The following OXNAD1 variants were observed in gnomAD, a reference collection of about 807,000 sequenced individuals.
The protein encoded by OXNAD1 is oxidoreductase NAD-binding domain-containing protein 1.
In OXNAD1, 34 loss-of-function variants were observed where a neutral mutation model predicts 32.9. The ratio of observed to expected loss-of-function variants is 1.03; its 90% CI spans 0.79 to 1.38. The LOEUF (loss-of-function observed/expected upper bound fraction) is 1.38. Among genes scored for constraint, OXNAD1 ranks in the 40% most tolerant of loss-of-function variants. The pLI is 0.00. For synonymous variants in OXNAD1, 134 were observed against 135.2 expected (o/e 0.99, Z 0.06); for missense variants, 407 against 379.4 (o/e 1.07, Z -0.60).
At chr3:16,315,267 C>T (rs1018448360) in intron 9 of OXNAD1, among the ~76,000 whole-genome samples, 6 of 152,182 alleles carry the variant, frequency 3.9e-5, no homozygotes, top group Admixed American at 1.3e-4. Context: ...AAGCACCCGC[C>T]ACCACGCCCA....
downstream of OXNAD1, among the ~76,000 whole-genome samples, chr3:16,307,282 C>T (rs1162355311): frequency 1.3e-5 from 2 of 152,130 alleles, no homozygotes; most frequent in African/African-American, 2.4e-5. Flanking sequence ...TTAGGTCGCC[C>T]CTGCTGTGTC....
At chr3:16,315,270 C>A (rs1398846380) in intron 9 of OXNAD1, among the ~76,000 whole-genome samples, 1 of 152,144 alleles carries the variant, frequency 6.6e-6, no homozygotes, top group Non-Finnish European at 1.5e-5. Flanking sequence ...CACCCGCCAC[C>A]ACGCCCAGCT....
At position 16,336,313 on chromosome 3, in the gene OXNAD1, T is replaced by C. The variant is rs2070843253; in HGVS notation, c.*31-799T>C. ...GGGAAGCCTCTTCTGCCCCAGGAGA[T>C]CCCAGTCTAGGGGTGGGGAGAACAA... On this transcript the variant is annotated intron_variant, in intron 9 of 9. Coordinates refer to the OXNAD1 transcript ENST00000435829. This position sits in a 1 kb window ranked among gnomAD's most constrained non-coding sequence, Gnocchi z 6.0. 6.6e-6 allele frequency among the ~76,000 whole-genome samples: 1 copy of C among 152,034 alleles called. No individual in the cohort carries two copies. Among genetic ancestry groups the C allele is most frequent in the African/African-American group, 2.4e-5 (1 of 41,390 alleles).
downstream of OXNAD1, among the ~76,000 whole-genome samples, chr3:16,339,048 T>C (rs1325747069): frequency 1.3e-5 from 2 of 152,220 alleles, no homozygotes; most frequent in Non-Finnish European, 2.9e-5. Context: ...TTCACTGTCC[T>C]AGCTAACAAC....
chr3:16,326,463 G>A (rs899304734), intron 9 of OXNAD1, among the ~76,000 whole-genome samples: 1 of 152,216 alleles, frequency 6.6e-6, no homozygotes, highest in Non-Finnish European at 1.5e-5. Context: ...AAGGCACATA[G>A]TAGGTGCTGA....
rs530099946 is a variant in OXNAD1, at chr3:16,344,294, C to G, written c.*31-4882C>G. ...GTTTAAGAAGTCAGGGAAACCTACT[C>G]AAAAAAGAAAGTGGATTAGATCAGT... On this transcript the variant is annotated intron_variant, in intron 9 of 9. Transcript: ENST00000606098. The surrounding 1 kb of genome is among the most constrained non-coding windows in gnomAD (Gnocchi z 4.4). 1.2e-3 allele frequency among the ~76,000 whole-genome samples: 187 copies of G among 149,656 alleles called. 1 individual carries two copies. Among genetic ancestry groups the G allele is most frequent in the African/African-American group, 4.3e-3 (176 of 40,778 alleles).
downstream of OXNAD1, among the ~76,000 whole-genome samples, chr3:16,306,686 A>G (rs1438584228): frequency 6.6e-6 from 1 of 152,178 alleles, no homozygotes; most frequent in African/African-American, 2.4e-5. Flanking sequence ...GGCCTATTGT[A>G]TCCTCAGGGT....
rs2125292531 is a variant in OXNAD1, at chr3:16,342,438, A to T, written c.*31-6738A>T. ...ACCATAGTTTATTCATCATTTGATG[A>T]ACATTTAAGTTGTTTCTACTTTTTG... On this transcript the variant is annotated intron_variant, in intron 9 of 9. Coordinates refer to the OXNAD1 transcript ENST00000606098. This position sits in a 1 kb window ranked among gnomAD's most constrained non-coding sequence, Gnocchi z 4.0. Among the ~76,000 whole-genome samples, 1 of 152,348 alleles carries T rather than the reference A, an allele frequency of 6.6e-6. No individual in the cohort carries two copies. Among genetic ancestry groups the T allele is most frequent in the East Asian group, 1.9e-4 (1 of 5,192 alleles).
In OXNAD1 at chr3:16,302,240, G is replaced by C. The variant is rs1260954946; in HGVS notation, c.675+372G>C. ...AGCTGGGTAAATGAAACCCCTGTCA[G>C]TTGCATCTGTTTAAACTAAGTGCAT... is the stretch of plus-strand genomic sequence containing the variant. On this transcript the variant is annotated intron_variant, in intron 7 of 8. Transcript: ENST00000285083. The surrounding 1 kb of genome is among the most constrained non-coding windows in gnomAD (Gnocchi z 4.2). Among the ~76,000 whole-genome samples, 1 of 152,190 alleles carries C rather than the reference G, an allele frequency of 6.6e-6. No individual in the cohort carries two copies. The highest frequency in any genetic ancestry group is 2.4e-5 in the African/African-American group (1 of 41,430).
intron 9 of OXNAD1, among the ~76,000 whole-genome samples, chr3:16,315,172 G>A (rs924316746): frequency 3.3e-5 from 5 of 152,208 alleles, no homozygotes; most frequent in African/African-American, 9.6e-5. Flanking sequence ...CTGGAGTGCA[G>A]TGGTGCAGTC....
rs2067214226 is a variant in OXNAD1 at position 16,301,907 on chromosome 3, G to A, written c.675+39G>A. On this transcript the variant is annotated intron_variant, in intron 7 of 8. Transcript: ENST00000285083. The surrounding 1 kb of genome is among the most constrained non-coding windows in gnomAD (Gnocchi z 4.1). ...AGCTTGCTGTAAGCAAACTTGTGTA[G>A]TGGTATTAATTGTTCATGAAAGTTT... The A allele has an allele frequency of 1.9e-6, 3 of 1,597,542 alleles. No homozygotes were observed. The highest frequency in any genetic ancestry group is 2.6e-6 in the Non-Finnish European group (3 of 1,170,848).
chr3:16,309,337 A>AC (rs2067793161), downstream of OXNAD1, among the ~76,000 whole-genome samples: 1 of 152,222 alleles, frequency 6.6e-6, no homozygotes, highest in African/African-American at 2.4e-5. Context: ...GACTAGTATT[A>AC]CCAAGTTACC....
At position 16,313,051 on chromosome 3, in the gene OXNAD1, CTTTTTT is replaced by C. The variant is rs11325593; in HGVS notation, c.*30+9468_*30+9473del. On this transcript the variant is annotated intron_variant, in intron 9 of 9. Coordinates refer to the OXNAD1 transcript ENST00000435829. ...ATTTAACGCCCATGTCAAGATCCAT[CTTTTTT>C]TTTTTTTTGACAGGGTCTTGTTCTA... Among the ~76,000 whole-genome samples the C allele has an allele frequency of 4.1e-5, 6 of 145,352 alleles. No homozygotes were observed. In the South Asian group the frequency reaches 8.8e-4, roughly 21 times the overall value.
chr3:16,315,611 T>C (rs966875401), intron 9 of OXNAD1: 4 of 152,370 alleles, frequency 2.6e-5, no homozygotes, highest in Middle Eastern at 6.8e-3. Context: ...GAGGTGGCTG[T>C]ACCCCTTACT....
At chr3:16,307,694 A>G (rs1467458464), downstream of OXNAD1, among the ~76,000 whole-genome samples, 6 of 152,254 alleles carry the variant, frequency 3.9e-5, no homozygotes, top group African/African-American at 1.4e-4. Flanking sequence ...AGTGGGGTCA[A>G]GAGAACATTT....
intron 9 of OXNAD1, chr3:16,326,661 C>T (rs2069725592): frequency 1.3e-6 from 1 of 779,436 alleles, no homozygotes; most frequent in Non-Finnish European, 2.0e-6. Flanking sequence ...TACATAACTA[C>T]CAGCCTCTTG....
chr3:16,301,545 G>A lies in OXNAD1; in HGVS notation c.433-81G>A. ...TTAAATACTGATAATACAGGAGATAGACCCAGTTTTATTAAAGTAGAACAT... is the reference window on the plus strand; with the variant it reads ...TTAAATACTGATAATACAGGAGATAAACCCAGTTTTATTAAAGTAGAACAT... On this transcript the variant is annotated intron_variant, in intron 6 of 8. Transcript: ENST00000285083. This position sits in a 1 kb window ranked among gnomAD's most constrained non-coding sequence, Gnocchi z 4.1. The A allele has an allele frequency of 2.0e-6, 3 of 1,506,836 alleles. No homozygotes were observed. The highest frequency in any genetic ancestry group is 2.7e-6 in the Non-Finnish European group (3 of 1,102,438). The allele number at this position is 1,506,836 out of a possible 1,614,324, so 93.3% of individuals were successfully genotyped here. A position where few individuals can be genotyped will look rare whatever the true frequency, so the allele number is the denominator to read the frequency against.
rs1463428062 is a variant in OXNAD1, at chr3:16,346,817, G to T, written c.*31-2359G>T. On this transcript the variant is annotated intron_variant, in intron 9 of 9. Transcript: ENST00000606098. The surrounding 1 kb of genome is among the most constrained non-coding windows in gnomAD (Gnocchi z 4.4). ...ATTGCCACAGTCACCTTGTGAGGAG[G>T]ATCATAAGGAGAGCCCTGCAGACAG... Among the ~76,000 whole-genome samples, 3 of 152,190 alleles carry T rather than the reference G, an allele frequency of 2.0e-5. No individual in the cohort carries two copies. Among genetic ancestry groups the T allele is most frequent in the African/African-American group, 7.2e-5 (3 of 41,452 alleles).
chr3:16,298,357 CT>C lies in OXNAD1; in HGVS notation c.433-3268del, dbSNP rs1190255266. On this transcript the variant is annotated intron_variant, in intron 6 of 8. Transcript: ENST00000285083. The surrounding 1 kb of genome is among the most constrained non-coding windows in gnomAD (Gnocchi z 5.1). ...CCATCCTCCCTGTTATCCTTAGCTT[CT>C]CACGCGACCTGGCCTGGTCCTGGTC... 6.6e-6 allele frequency among the ~76,000 whole-genome samples: 1 copy of C among 152,172 alleles called. No individual in the cohort carries two copies. The highest frequency in any genetic ancestry group is 2.4e-5 in the African/African-American group (1 of 41,424).
Sources: gnomAD v4.1 joint callset for allele counts (sites outside exome capture counted in the v4.1 genomes callset) on GRCh38, gnomAD v4.1.1 for gene constraint, Gnocchi (gnomAD v3.1) non-coding constraint, MANE v1.5 for transcripts, NCBI Gene and HGNC (gene_info 2026-07-23, HGNC 2026-07-21) for gene names.